The following NOTCH1 variants were observed in gnomAD, a reference collection of about 807,000 sequenced individuals.
NOTCH1 encodes the protein neurogenic locus notch homolog protein 1.
NOTCH1 carries 37 observed loss-of-function variants against 254.8 expected under a neutral mutation model. The ratio of observed to expected loss-of-function variants is 0.15; its 90% CI spans 0.11 to 0.19. The LOEUF is 0.19. Ranked by LOEUF, NOTCH1 falls within the 10% of genes least tolerant of loss-of-function variation. The pLI, the probability that NOTCH1 is intolerant of heterozygous loss-of-function variation, is 1.00. For synonymous variants in NOTCH1, 1,731 were observed against 1,618.1 expected (o/e 1.07, Z -1.68); for missense variants, 2,972 against 3,708.6 (o/e 0.80, Z 5.16).
At chr9:136,541,028 C>T (rs1283396032) in intron 2 of NOTCH1, among the ~76,000 whole-genome samples, 5 of 152,154 alleles carry the variant, frequency 3.3e-5, no homozygotes, top group Admixed American at 1.3e-4. Flanking sequence ...CTCACACTGA[C>T]GGAGCTGATG....
rs2133330112 is a variant in NOTCH1 at position 136,502,074 on chromosome 9, G to A, written c.5399C>T (p.Ala1800Val). 6.2e-7 allele frequency: 1 copy of A among 1,613,316 alleles called. No homozygotes were observed. ...DSVGLKPLKN[A>V]SDGALMDDNQ... Reference sequence around the variant, plus strand: ...GTCGTCCATGAGGGCACCGTCTGAAGCGTTCTTCAGGGGCCTGGGGGGTGA... The same window carrying A: ...GTCGTCCATGAGGGCACCGTCTGAAACGTTCTTCAGGGGCCTGGGGGGTGA... Residue 1800 changes from alanine (A) to valine (V), a missense_variant, in exon 29 of 34, where the codon GCT becomes GTT. Around this residue, in one of 8 missense-constraint regions of NOTCH1, gnomAD observed 421 missense variants for 604.4 expected, o/e 0.70. Transcript: ENST00000651671.
Position 136,523,164 on chromosome 9 carries a change from G to A in NOTCH1, c.428C>T (p.Pro143Leu), listed in dbSNP as rs1228192276. 6.2e-6 allele frequency: 10 copies of A among 1,604,176 alleles called. No homozygotes were observed. The highest frequency in any genetic ancestry group is 8.5e-6 in the Non-Finnish European group (10 of 1,176,464). ...GTTGGCGCAGGGGTTGGAGGCGCAC[G>A]GGTCAGCCTGCTGGCACGATTTCCC... is the stretch of plus-strand genomic sequence containing the variant. The part of the protein sequence containing the change: ...WSGKSCQQAD[P>L]CASNPCANGG... The change falls in exon 4 of 34, where the codon CCG (proline) becomes CTG (leucine). Residue 143 changes from proline (P) to leucine (L), a missense_variant. Around this residue, in one of 8 missense-constraint regions of NOTCH1, gnomAD observed 374 missense variants for 496.3 expected, o/e 0.75. Coordinates refer to ENST00000651671, the MANE Select transcript of NOTCH1 (RefSeq NM_017617.5).
In NOTCH1 at chr9:136,499,622, C is replaced by T. The variant is rs554050055; in HGVS notation, c.5935-363G>A. Among the ~76,000 whole-genome samples, 13 of 152,342 alleles carry T rather than the reference C, an allele frequency of 8.5e-5. No homozygotes were observed. The South Asian group carries it at 1.7e-3, about 19-fold the overall frequency. On this transcript the variant is annotated intron_variant, in intron 31 of 33. Transcript: ENST00000651671. ...GCTGGCACTCAGGAAGCCGGGCTCA[C>T]GGCCCTACAGCCGTCTCAGAACCGC...
chr9:136,534,548 G>T (rs1025125071), intron 2 of NOTCH1, among the ~76,000 whole-genome samples: 1 of 152,144 alleles, frequency 6.6e-6, no homozygotes, highest in African/African-American at 2.4e-5. Flanking sequence ...CGAGAACAGC[G>T]CCCACCTGGT....
At chr9:136,499,590 G>T (rs575006073) in intron 31 of NOTCH1, among the ~76,000 whole-genome samples, 1 of 152,214 alleles carries the variant, frequency 6.6e-6, no homozygotes, top group Non-Finnish European at 1.5e-5. Flanking sequence ...CCCCAACGGC[G>T]GTTACAGCTG....
Position 136,523,160 on chromosome 9 carries a change from G to A in NOTCH1, c.432C>T (p.Cys144=), listed in dbSNP as rs373713957. The change falls in exon 4 of 34, where the codon TGC becomes TGT. Residue 144 remains cysteine (C), a synonymous_variant. Coordinates refer to ENST00000651671, the MANE Select transcript of NOTCH1 (RefSeq NM_017617.5). ...SGKSCQQADP[C]ASNPCANGGQ... is the part of the protein sequence containing the mutation. ...CACCGTTGGCGCAGGGGTTGGAGGC[G>A]CACGGGTCAGCCTGCTGGCACGATT... The A allele has an allele frequency of 3.7e-4, 599 of 1,604,098 alleles. 3 individuals carry two copies. Among genetic ancestry groups the A allele is most frequent in the Middle Eastern group, 2.6e-3 (15 of 5,798 alleles).
At position 136,545,374 on chromosome 9, in the gene NOTCH1, C is replaced by A. The variant is rs1316253572; in HGVS notation, c.61+352G>T. On this transcript the variant is annotated intron_variant, in intron 1 of 33. Coordinates refer to ENST00000651671, the MANE Select transcript of NOTCH1 (RefSeq NM_017617.5). The surrounding 1 kb of genome is among the most constrained non-coding windows in gnomAD (Gnocchi z 6.8). ...AAACCAAAACCGACTCTATTCAAATCGAAAAATAGTAGGCAGCCCGCCCGC... is the reference window on the plus strand; with the variant it reads ...AAACCAAAACCGACTCTATTCAAATAGAAAAATAGTAGGCAGCCCGCCCGC... Among the ~76,000 whole-genome samples the A allele has an allele frequency of 6.6e-6, 1 of 152,036 alleles. No individual in the cohort carries two copies. The highest frequency in any genetic ancestry group is 1.5e-5 in the Non-Finnish European group (1 of 67,978).
chr9:136,530,310 A>T (rs1487363555), intron 2 of NOTCH1, among the ~76,000 whole-genome samples: 1 of 152,244 alleles, frequency 6.6e-6, no homozygotes, highest in African/African-American at 2.4e-5. Flanking sequence ...GAAGTGCAGG[A>T]AGGCCAGGTT....
Position 136,517,802 on chromosome 9 carries a change from T to C in NOTCH1, c.1391A>G (p.Asp464Gly). The change falls in exon 8 of 34, where the codon GAC becomes GGC. Residue 464 changes from aspartate (D) to glycine (G), a missense_variant. Asp to Gly is a moderately conservative substitution (Grantham distance 94). This residue lies in a region of NOTCH1 where 90 missense variants were observed against 183.6 expected (regional missense o/e 0.49). Transcript: ENST00000651671. ...CCCAATCTGGTCCAGGCAGGTGGCG[T>C]CGTTCTGGCACGGGTTCGAGACGCA... Reference protein sequence around the residue: ...NECVSNPCQNDATCLDQIGEF... With the variant: ...NECVSNPCQNGATCLDQIGEF... The C allele has an allele frequency of 6.2e-7, 1 of 1,612,664 alleles. No individual in the cohort carries two copies. The highest frequency in any genetic ancestry group is 1.1e-5 in the South Asian group (1 of 91,090).
At chr9:136,510,087 C>A in intron 17 of NOTCH1, 126 bp from the exon 18 acceptor site, 1 of 892,558 alleles carries the variant, frequency 1.1e-6, no homozygotes, top group Non-Finnish European at 1.8e-6. Flanking sequence ...GCAAGCAGCC[C>A]TGTGACAAAG....
intron 2 of NOTCH1, among the ~76,000 whole-genome samples, chr9:136,537,026 C>T (rs546932750): frequency 2.6e-5 from 4 of 152,154 alleles, no homozygotes; most frequent in African/African-American, 7.2e-5. Context: ...GAGCCTGTCT[C>T]GGAGTCCTGA....
In NOTCH1 at chr9:136,499,280, C is replaced by T. The variant is rs756743179; in HGVS notation, c.5935-21G>A. On this transcript the variant is annotated intron_variant, in intron 31 of 33. Coordinates refer to ENST00000651671, the MANE Select transcript of NOTCH1 (RefSeq NM_017617.5). Reference sequence around the variant, plus strand: ...AGGATCTGGGCAACAGGGAGAGGCTCAGGCGGGTGCTGGGCAGACGTACAC... The same window carrying T: ...AGGATCTGGGCAACAGGGAGAGGCTTAGGCGGGTGCTGGGCAGACGTACAC... 6 of 1,611,096 alleles carry T rather than the reference C, an allele frequency of 3.7e-6. No homozygotes were observed. In the South Asian group the frequency reaches 6.6e-5, roughly 18 times the overall value.
intron 2 of NOTCH1, 131 bp downstream of exon 2, chr9:136,543,893 G>T: frequency 1.2e-6 from 1 of 853,932 alleles, no homozygotes; most frequent in Non-Finnish European, 1.9e-6. Flanking sequence ...ATAAAAGTCA[G>T]CACGTGACCG....
chr9:136,498,656 G>A (rs1842951914), intron 33 of NOTCH1, among the ~76,000 whole-genome samples: 1 of 152,194 alleles, frequency 6.6e-6, no homozygotes. Flanking sequence ...GGGTCTGAGG[G>A]GCGAGCCGCC....
intron 18 of NOTCH1, among the ~76,000 whole-genome samples, chr9:136,509,366 C>T (rs1418547307): frequency 6.6e-6 from 1 of 152,222 alleles, no homozygotes; most frequent in African/African-American, 2.4e-5. Context: ...AGAAACCGTC[C>T]TGGTAACACG....
chr9:136,507,897 C>T, intron 21 of NOTCH1, 58 bp downstream of exon 21: 7 of 1,566,566 alleles, frequency 4.5e-6, no homozygotes, highest in South Asian at 3.3e-5. Flanking sequence ...CCAGCCAGGG[C>T]CTGGTGTGTG....
At chr9:136,520,982 G>A (rs954933115) in intron 4 of NOTCH1, among the ~76,000 whole-genome samples, 13 of 152,192 alleles carry the variant, frequency 8.5e-5, no homozygotes, top group Non-Finnish European at 1.6e-4. Context: ...CAGTGCTGAC[G>A]TGCCAGGCAG....
In NOTCH1 at chr9:136,526,564, G is replaced by A. The variant is rs563295788; in HGVS notation, c.141-2585C>T. On this transcript the variant is annotated intron_variant, in intron 2 of 33. Transcript: ENST00000651671. ...TCCCACAGCTTTAGGGGACCCCAGAGGGGAGACGCTGGAGGTCCGAGCCCC... is the reference window on the plus strand; with the variant it reads ...TCCCACAGCTTTAGGGGACCCCAGAAGGGAGACGCTGGAGGTCCGAGCCCC... Among the ~76,000 whole-genome samples, 7 of 152,322 alleles carry A rather than the reference G, an allele frequency of 4.6e-5. 1 individual carries two copies. The East Asian group carries it at 1.4e-3, about 29-fold the overall frequency.
chr9:136,512,157 G>C lies in NOTCH1; in HGVS notation c.2467+864C>G, dbSNP rs552545965. 2.0e-4 allele frequency among the ~76,000 whole-genome samples: 30 copies of C among 152,384 alleles called. 1 individual carries two copies. In the East Asian group the frequency reaches 5.6e-3, roughly 28 times the overall value. ...CGCTCCTCCTGCCGGCCCGATCGAC[G>C]TGTCTGAAAGGGACAGGGGCGCCCA... is the stretch of plus-strand genomic sequence containing the variant. On this transcript the variant is annotated intron_variant, in intron 15 of 33. Transcript: ENST00000651671.
Sources: gnomAD v4.1 joint callset for allele counts (sites outside exome capture counted in the v4.1 genomes callset) on GRCh38, gnomAD v4.1.1 for gene constraint, gnomAD v4.1.1 regional missense constraint, Gnocchi (gnomAD v3.1) non-coding constraint, MANE v1.5 for transcripts, NCBI Gene and HGNC (gene_info 2026-07-23, HGNC 2026-07-21) for gene names.